Variants in LRMDA observed in about 807,000 individuals in gnomAD.
The protein encoded by LRMDA is leucine rich melanocyte differentiation associated.
A neutral mutation model predicts 29.8 loss-of-function variants in LRMDA; 18 were observed. That is an observed-to-expected ratio of 0.60 (90% CI 0.42 to 0.90). LRMDA has a LOEUF of 0.90. LRMDA is among the 40% of genes least tolerant of loss of function. LRMDA has a pLI of 0.00. For missense variants in LRMDA, 273 were observed against 273.9 expected, an observed-to-expected ratio of 1.00 and a Z score of 0.02; for synonymous variants, 125 against 109.4, an observed-to-expected ratio of 1.14 and a Z score of -0.89.
intron 2 of LRMDA, among the ~76,000 whole-genome samples, chr10:76,014,671 C>T (rs1847853102): frequency 6.6e-6 from 1 of 152,202 alleles, no homozygotes; most frequent in South Asian, 2.1e-4. Flanking sequence ...AGGATCTGTG[C>T]TCAAGCCATT....
At chr10:76,481,367 AC>A (rs1479076589) in intron 6 of LRMDA, among the ~76,000 whole-genome samples, 1 of 151,852 alleles carries the variant, frequency 6.6e-6, no homozygotes, top group Non-Finnish European at 1.5e-5. Flanking sequence ...TGATGAATGA[AC>A]TCAGCACATT....
At chr10:76,302,463 T>C (rs972192054) in intron 5 of LRMDA, among the ~76,000 whole-genome samples, 1 of 152,152 alleles carries the variant, frequency 6.6e-6, no homozygotes, top group East Asian at 1.9e-4. Context: ...GACTGTGCCA[T>C]GTATTTGGGG....
chr10:76,473,312 C>T lies in LRMDA; in HGVS notation c.602-83897C>T, dbSNP rs569054243. Among the ~76,000 whole-genome samples, 123 of 151,470 alleles carry T rather than the reference C, an allele frequency of 8.1e-4. 1 individual carries two copies. The Middle Eastern group carries it at 0.01, about 13-fold the overall frequency. On this transcript the variant is annotated intron_variant, in intron 6 of 6. Transcript: ENST00000611255. ...AAAGTATTTGACAAAAGTCCACATC[C>T]ACACACATTCATGGTAAAAACATTC...
At chr10:76,540,948 A>G (rs1843346948) in intron 6 of LRMDA, among the ~76,000 whole-genome samples, 1 of 152,180 alleles carries the variant, frequency 6.6e-6, no homozygotes, top group South Asian at 2.1e-4. Context: ...CACAAGTCCC[A>G]GTGGTATATG....
chr10:76,121,831 T>C (rs1245170945), intron 5 of LRMDA, among the ~76,000 whole-genome samples: 2 of 152,184 alleles, frequency 1.3e-5, no homozygotes, highest in African/African-American at 4.8e-5. Context: ...ATTCCTCTCC[T>C]CCTTTCTCCT....
At position 75,897,853 on chromosome 10, in the gene LRMDA, C is replaced by T. The variant is rs370087201; in HGVS notation, c.132-138155C>T. 3.5e-4 allele frequency among the ~76,000 whole-genome samples: 41 copies of T among 115,496 alleles called. No homozygotes were observed. The South Asian group carries it at 0.013, about 37-fold the overall frequency. 75.8% of individuals were successfully genotyped at this position (115,496 alleles called of 152,430 possible). A position where few individuals can be genotyped will look rare whatever the true frequency, so the allele number is the denominator to read the frequency against. The stretch of plus-strand genomic sequence containing the variant: ...TTTTTTTTTTTTTGAGACGGAGTCT[C>T]ACGTTGTTGCCCAGGCTGTAGTGCA... On this transcript the variant is annotated intron_variant, in intron 2 of 6. Coordinates refer to ENST00000611255, the MANE Select transcript of LRMDA (RefSeq NM_001305581.2).
intron 2 of LRMDA, among the ~76,000 whole-genome samples, chr10:75,439,667 G>A (rs949726735): frequency 1.4e-4 from 21 of 152,260 alleles, no homozygotes; most frequent in African/African-American, 4.3e-4. Flanking sequence ...GAGAGTGGCC[G>A]CTGTCTGTGT....
chr10:75,913,714 A>G (rs1845882568), intron 2 of LRMDA, among the ~76,000 whole-genome samples: 1 of 152,132 alleles, frequency 6.6e-6, no homozygotes, highest in African/African-American at 2.4e-5. Context: ...GCCCTGAGTG[A>G]GAAGCTCGAG....
At position 76,350,067 on chromosome 10, in the gene LRMDA, A is replaced by C. The variant is rs568538089; in HGVS notation, c.601+25582A>C. Reference sequence around the variant, plus strand: ...CCTTTATATAAAGCTTGAAAGTGCCAAACAAAACACTGTTGTAAAAGGGTC... The same window carrying C: ...CCTTTATATAAAGCTTGAAAGTGCCCAACAAAACACTGTTGTAAAAGGGTC... On this transcript the variant is annotated intron_variant, in intron 6 of 6. Transcript: ENST00000611255. Among the ~76,000 whole-genome samples, 3 of 152,244 alleles carry C rather than the reference A, an allele frequency of 2.0e-5. No homozygotes were observed. The East Asian group carries it at 5.8e-4, about 29-fold the overall frequency.
chr10:75,903,462 CA>C (rs1845708863), intron 2 of LRMDA, among the ~76,000 whole-genome samples: 1 of 152,230 alleles, frequency 6.6e-6, no homozygotes, highest in African/African-American at 2.4e-5. Flanking sequence ...GCCATAAAAG[CA>C]AATAAAATCA....
At chr10:75,515,644 A>T (rs983862084) in intron 2 of LRMDA, among the ~76,000 whole-genome samples, 3 of 151,970 alleles carry the variant, frequency 2.0e-5, no homozygotes, top group African/African-American at 7.3e-5. Context: ...TCTCTCAAAG[A>T]GCTGGGAATA....
At chr10:76,135,648 TC>T (rs138936730) in intron 5 of LRMDA, among the ~76,000 whole-genome samples, 22,046 of 152,174 alleles carry the variant, frequency 0.14, 1,973 homozygotes, top group Admixed American at 0.23. Context: ...GAGAATCTAT[TC>T]CATTCCTGTC....
intron 5 of LRMDA, among the ~76,000 whole-genome samples, chr10:76,302,788 G>T (rs149969564): frequency 4.1e-4 from 62 of 152,272 alleles, no homozygotes; most frequent in African/African-American, 1.4e-3. Context: ...GTATAGAAGT[G>T]TTTTGTGTGA....
At chr10:76,287,231 C>G (rs561436886) in intron 5 of LRMDA, among the ~76,000 whole-genome samples, 14 of 152,224 alleles carry the variant, frequency 9.2e-5, no homozygotes, top group Non-Finnish European at 1.9e-4. Flanking sequence ...CTGCCCCACT[C>G]TCAGCATACA....
At chr10:75,437,870 G>A (rs1844279313) in intron 1 of LRMDA, among the ~76,000 whole-genome samples, 2 of 152,096 alleles carry the variant, frequency 1.3e-5, no homozygotes, top group African/African-American at 4.8e-5. Flanking sequence ...GTACACAGTG[G>A]CAACTGGATG....
At chr10:76,543,907 C>T (rs113395504) in intron 6 of LRMDA, among the ~76,000 whole-genome samples, 236 of 152,126 alleles carry the variant, frequency 1.6e-3, no homozygotes, top group African/African-American at 5.1e-3. Context: ...AGTCCTGAGC[C>T]CCCCCCAGGA....
intron 5 of LRMDA, among the ~76,000 whole-genome samples, chr10:76,071,445 A>T (rs1488289215): frequency 6.6e-6 from 1 of 152,168 alleles, no homozygotes; most frequent in African/African-American, 2.4e-5. Context: ...TGTTTTGGAG[A>T]AGATTAGATT....
intron 2 of LRMDA, among the ~76,000 whole-genome samples, chr10:75,678,367 A>G (rs1841986056): frequency 6.6e-6 from 1 of 152,210 alleles, no homozygotes; most frequent in African/African-American, 2.4e-5. Flanking sequence ...TGGGGATTTT[A>G]TACATTCATT....
chr10:76,204,674 C>T (rs1301741898), intron 5 of LRMDA, among the ~76,000 whole-genome samples: 2 of 152,216 alleles, frequency 1.3e-5, no homozygotes, highest in Non-Finnish European at 2.9e-5. Flanking sequence ...TCTTTTGTGC[C>T]TCTTCTAAAA....
Sources: gnomAD v4.1 joint callset for allele counts (sites outside exome capture counted in the v4.1 genomes callset) on GRCh38, gnomAD v4.1.1 for gene constraint, MANE v1.5 for transcripts, NCBI Gene and HGNC (gene_info 2026-07-23, HGNC 2026-07-21) for gene names.